Variants in C13orf42 observed in about 807,000 individuals in gnomAD.
C13orf42 encodes uncharacterized protein C13orf42.
At chr13:51,120,381 TC>T (rs1250988803) in intron 1 of C13orf42, among the ~76,000 whole-genome samples, 3 of 152,186 alleles carry the variant, frequency 2.0e-5, no homozygotes. Context: ...GAAGCGGGTA[TC>T]CTTGCCGCAT....
intron 1 of C13orf42, among the ~76,000 whole-genome samples, chr13:51,135,278 T>C (rs1350551764): frequency 6.6e-6 from 1 of 152,060 alleles, no homozygotes; most frequent in Non-Finnish European, 1.5e-5. Flanking sequence ...GTGGAGAGAA[T>C]GAGAGAAGGT....
upstream of C13orf42, among the ~76,000 whole-genome samples, chr13:51,116,024 T>C (rs975819892): frequency 6.6e-6 from 1 of 150,530 alleles, no homozygotes; most frequent in Non-Finnish European, 1.5e-5. Context: ...GAATAACACA[T>C]CTCTACACCA....
intron 1 of C13orf42, among the ~76,000 whole-genome samples, chr13:51,166,864 A>G (rs551279190): frequency 7.2e-5 from 11 of 152,274 alleles, no homozygotes; most frequent in Admixed American, 3.3e-4. Context: ...GCATTGCCTG[A>G]GGTCAGGAGT....
At chr13:51,134,340 T>C (rs562232625) in intron 1 of C13orf42, among the ~76,000 whole-genome samples, 27 of 152,096 alleles carry the variant, frequency 1.8e-4, no homozygotes, top group Non-Finnish European at 2.9e-4. Flanking sequence ...TTTACTGGGG[T>C]ATGTAATGAA....
chr13:51,120,337 G>A (rs1953523958), intron 1 of C13orf42, among the ~76,000 whole-genome samples: 1 of 152,132 alleles, frequency 6.6e-6, no homozygotes, highest in South Asian at 2.1e-4. Flanking sequence ...TTGTGTGATA[G>A]AGCCAAGATG....
chr13:51,134,921 G>A (rs1953645923), intron 1 of C13orf42, among the ~76,000 whole-genome samples: 1 of 152,232 alleles, frequency 6.6e-6, no homozygotes, highest in Non-Finnish European at 1.5e-5. Flanking sequence ...ACCAGCCGCA[G>A]CGGGGTAAGA....
intron 1 of C13orf42, among the ~76,000 whole-genome samples, chr13:51,124,750 T>C (rs926184886): frequency 1.3e-5 from 2 of 152,196 alleles, no homozygotes; most frequent in Admixed American, 6.5e-5. Flanking sequence ...AGCAGTTTCC[T>C]GGCAAATGTT....
At chr13:51,136,094 C>A (rs1288190607) in intron 1 of C13orf42, among the ~76,000 whole-genome samples, 4 of 152,140 alleles carry the variant, frequency 2.6e-5, no homozygotes, top group Non-Finnish European at 5.9e-5. Context: ...CCCTTGCCCA[C>A]CCTCTGGTCT....
At chr13:51,164,275 G>A (rs1168062760) in intron 1 of C13orf42, among the ~76,000 whole-genome samples, 1 of 152,186 alleles carries the variant, frequency 6.6e-6, no homozygotes, top group Non-Finnish European at 1.5e-5. Context: ...GACCTTGTGT[G>A]GCTTGTTCAC....
intron 1 of C13orf42, among the ~76,000 whole-genome samples, chr13:51,118,594 T>C (rs1192839629): frequency 1.3e-5 from 2 of 152,190 alleles, no homozygotes; most frequent in Non-Finnish European, 2.9e-5. Context: ...TGGTTTTTTT[T>C]ACACAGGCAG....
Position 51,111,226 on chromosome 13 carries a change from C to G in C13orf42, c.-17G>C, listed in dbSNP as rs1953429659. 2.5e-6 allele frequency: 1 copy of G among 398,506 alleles called. No individual in the cohort carries two copies. Among genetic ancestry groups the G allele is most frequent in the African/African-American group, 2.1e-5 (1 of 48,624 alleles). The allele number at this position is 398,506 out of a possible 1,614,324, so 24.7% of individuals were successfully genotyped here. A position where few individuals can be genotyped will look rare whatever the true frequency, so the allele number is the denominator to read the frequency against. ...TCTGAACATAGTGCTCGATTTCTTT[C>G]TGTGGGTACCTTCCAGCTGCCTGTG... On this transcript the variant is annotated 5_prime_UTR_variant, in exon 1 of 4. Coordinates refer to ENST00000563710, the MANE Select transcript of C13orf42 (RefSeq NM_001351589.3).
At chr13:51,148,722 A>G (rs60907481) in intron 1 of C13orf42, among the ~76,000 whole-genome samples, 1 of 152,330 alleles carries the variant, frequency 6.6e-6, no homozygotes, top group East Asian at 1.9e-4. Flanking sequence ...AAAAGGAAGA[A>G]CAAACCCCCT....
chr13:51,105,740 G>A (rs1049377868), intron 1 of C13orf42, among the ~76,000 whole-genome samples: 2 of 151,974 alleles, frequency 1.3e-5, no homozygotes, highest in African/African-American at 2.4e-5. Flanking sequence ...TTTCTCTCCT[G>A]ATTTTCCAAT....
rs150955297 is a variant in C13orf42, at chr13:51,143,426, G to T, written n.136+28827C>A. On this transcript the variant is annotated intron_variant and non_coding_transcript_variant, in intron 1 of 4. Transcript: ENST00000433280. ...TGGAGCCCTGTGTCAGATTAACAAG[G>T]TTTTCTTAAAGCATTAACCAACTCC... is the stretch of plus-strand genomic sequence containing the variant. Among the ~76,000 whole-genome samples the T allele has an allele frequency of 2.5e-3, 375 of 151,634 alleles. 1 individual carries two copies. The highest frequency in any genetic ancestry group is 4.4e-3 in the Non-Finnish European group (302 of 67,948).
At chr13:51,119,606 C>T (rs1953517231) in intron 1 of C13orf42, among the ~76,000 whole-genome samples, 1 of 152,278 alleles carries the variant, frequency 6.6e-6, no homozygotes, top group African/African-American at 2.4e-5. Context: ...CACCCTACAG[C>T]ATGGATAAGC....
chr13:51,153,629 TC>T lies in C13orf42; in HGVS notation n.136+18623del, dbSNP rs57811161. Among the ~76,000 whole-genome samples the T allele has an allele frequency of 1.5e-3, 214 of 138,120 alleles. 9 individuals carry two copies. The highest frequency in any genetic ancestry group is 4.7e-3 in the African/African-American group (167 of 35,266). 90.6% of individuals were successfully genotyped at this position (138,120 alleles called of 152,430 possible). A position where few individuals can be genotyped will look rare whatever the true frequency, so the allele number is the denominator to read the frequency against. Reference sequence around the variant, plus strand: ...CCATTTTCTTGCTTTCTGTTTTTTTTCTTTTTTTTTTTTTTTTTTTTTTTTT... The same window carrying T: ...CCATTTTCTTGCTTTCTGTTTTTTTTTTTTTTTTTTTTTTTTTTTTTTTTT... On this transcript the variant is annotated intron_variant and non_coding_transcript_variant, in intron 1 of 4. Transcript: ENST00000433280.
At chr13:51,090,568 T>C (rs1193233229) in intron 1 of C13orf42, among the ~76,000 whole-genome samples, 3 of 152,226 alleles carry the variant, frequency 2.0e-5, no homozygotes, top group Admixed American at 1.3e-4. Context: ...CATCAGCGTT[T>C]AGCTTAATGC....
At chr13:51,097,832 G>A (rs1188364566) in intron 1 of C13orf42, among the ~76,000 whole-genome samples, 3 of 151,434 alleles carry the variant, frequency 2.0e-5, no homozygotes, top group Admixed American at 6.6e-5. Flanking sequence ...CAGCCTTCCC[G>A]GCTGAGTTTC....
At chr13:51,105,606 C>T (rs9316519) in intron 1 of C13orf42, among the ~76,000 whole-genome samples, 132,763 of 152,224 alleles carry the variant, frequency 0.87, 58,187 homozygotes, top group African/African-American at 0.95. Flanking sequence ...TTGAAACAAG[C>T]CCAGCTCTTT....
Sources: gnomAD v4.1 joint callset for allele counts (sites outside exome capture counted in the v4.1 genomes callset) on GRCh38, gnomAD v4.1.1 for gene constraint, MANE v1.5 for transcripts, NCBI Gene and HGNC (gene_info 2026-07-23, HGNC 2026-07-21) for gene names.